The following GAD1 variants were observed in gnomAD, a reference collection of about 807,000 sequenced individuals.
GAD1 encodes 67 kDa glutamic acid decarboxylase.
GAD1 carries 35 observed loss-of-function variants against 75.2 expected under a neutral mutation model. The observed-to-expected ratio is 0.47, with a 90% CI of 0.36 to 0.62. The LOEUF is 0.62. Among genes scored for constraint, GAD1 ranks in the 20% least tolerant of loss-of-function variants. The probability of loss-of-function intolerance (pLI) is 0.00; values close to 1 mark genes in which losing one functional copy is unlikely to be tolerated. For missense variants in GAD1, 490 were observed against 758.5 expected (o/e 0.65, Z 4.16); for synonymous variants, 257 against 271.9 (o/e 0.95, Z 0.54).
intron 15 of GAD1, among the ~76,000 whole-genome samples, chr2:170,857,495 C>A (rs1033643549): frequency 6.6e-6 from 1 of 152,060 alleles, no homozygotes; most frequent in African/African-American, 2.4e-5. Flanking sequence ...CCTGTAATCC[C>A]AGCATTTCGG....
At chr2:170,856,877 A>G in intron 14 of GAD1, 141 bp from the exon 15 acceptor site, 3 of 751,312 alleles carry the variant, frequency 4.0e-6, no homozygotes, top group Non-Finnish European at 7.2e-6. Context: ...AAAAGCTGAC[A>G]TATTTGATTA....
At chr2:170,817,224 G>GT (rs1559264475) in intron 1 of GAD1, 176 bp downstream of exon 1, 2 of 16,368 alleles carry the variant, frequency 1.2e-4, no homozygotes, top group Non-Finnish European at 3.9e-4. Flanking sequence ...GCTGCGCAGG[G>GT]ACCCCCCCCC....
Position 170,848,456 on chromosome 2 carries a change from C to T in GAD1, c.1119+664C>T, listed in dbSNP as rs184868257. On this transcript the variant is annotated intron_variant, in intron 11 of 16. Coordinates refer to ENST00000358196, the MANE Select transcript of GAD1 (RefSeq NM_000817.3). ...AGGTTGCAGTGAGCTGGGATCACGC[C>T]ACATCACTCCAGCCTGGGCAAAAGA... 3.5e-4 allele frequency among the ~76,000 whole-genome samples: 50 copies of T among 144,714 alleles called. 1 individual carries two copies. In the Middle Eastern group the frequency reaches 0.017, roughly 51 times the overall value. 94.9% of individuals were successfully genotyped at this position (144,714 alleles called of 152,430 possible). A position where few individuals can be genotyped will look rare whatever the true frequency, so the allele number is the denominator to read the frequency against.
At chr2:170,822,206 G>A in intron 3 of GAD1, 57 bp downstream of exon 3, 2 of 1,441,080 alleles carry the variant, frequency 1.4e-6, no homozygotes, top group Non-Finnish European at 1.9e-6. Flanking sequence ...GGACCTTTGG[G>A]GCTTGGGAGA....
At chr2:170,850,649 T>G (rs2105805583) in intron 12 of GAD1, among the ~76,000 whole-genome samples, 1 of 152,284 alleles carries the variant, frequency 6.6e-6, no homozygotes, top group Non-Finnish European at 1.5e-5. Flanking sequence ...AACTTTTGTC[T>G]CAGTTTTGAA....
chr2:170,825,926 C>T (rs1159461001), intron 3 of GAD1, among the ~76,000 whole-genome samples: 1 of 152,130 alleles, frequency 6.6e-6, no homozygotes, highest in African/African-American at 2.4e-5. Flanking sequence ...CTTACAGGAC[C>T]CCTTGCTAGC....
chr2:170,820,410 T>A (rs1701841287), intron 2 of GAD1, among the ~76,000 whole-genome samples: 1 of 152,264 alleles, frequency 6.6e-6, no homozygotes, highest in South Asian at 2.1e-4. Context: ...CCAGGCACAC[T>A]GTTGCGGGCC....
Position 170,861,015 on chromosome 2 carries a change from G to C in GAD1, c.*1133G>C, listed in dbSNP as rs1702952171. The C allele has an allele frequency of 6.6e-6, 1 of 152,612 alleles. No homozygotes were observed. The highest frequency in any genetic ancestry group is 6.5e-5 in the Admixed American group (1 of 15,278). 9.5% of individuals were successfully genotyped at this position (152,612 alleles called of 1,614,324 possible). On this transcript the variant is annotated 3_prime_UTR_variant, in exon 17 of 17. Transcript: ENST00000358196. ...TGAAACCTAAGGCAACATTTCCGAA[G>C]ACCTTCTGAAGATCTCAGATAAAGT...
Position 170,837,716 on chromosome 2 carries a change from ATATCT to A in GAD1, c.638+837_638+841del, listed in dbSNP as rs375782180. Among the ~76,000 whole-genome samples, 307 of 152,374 alleles carry A rather than the reference ATATCT, an allele frequency of 2.0e-3. 1 individual carries two copies. Among genetic ancestry groups the A allele is most frequent in the Middle Eastern group, 6.8e-3 (2 of 294 alleles). On this transcript the variant is annotated intron_variant, in intron 6 of 16. Transcript: ENST00000358196. Reference sequence around the variant, plus strand: ...TATCCAAAGGAAAATAACAAAACAAATATCTTATAATAATTTAAAAACAACTATAT... The same window carrying A: ...TATCCAAAGGAAAATAACAAAACAAATATAATAATTTAAAAACAACTATAT...
chr2:170,828,154 CT>C (rs1702076675), intron 3 of GAD1, among the ~76,000 whole-genome samples: 1 of 137,296 alleles, frequency 7.3e-6, no homozygotes, highest in Non-Finnish European at 1.6e-5. Context: ...CCTCACCCTC[CT>C]CCCTCTGCTG....
Position 170,853,128 on chromosome 2 carries a change from G to A in GAD1, c.1263+336G>A, listed in dbSNP as rs1330564589. The A allele has an allele frequency of 5.1e-6, 2 of 391,504 alleles. No individual in the cohort carries two copies. Among genetic ancestry groups the A allele is most frequent in the African/African-American group, 4.1e-5 (2 of 48,896 alleles). The allele number at this position is 391,504 out of a possible 1,614,324, so 24.3% of individuals were successfully genotyped here. On this transcript the variant is annotated intron_variant, in intron 13 of 16. Transcript: ENST00000358196. The surrounding 1 kb of genome is among the most constrained non-coding windows in gnomAD (Gnocchi z 4.1). ...TCCAATCAGTTTTGTCCTCAGTGAG[G>A]ACAAAAGCACTCACTGGAGCATACT...
intron 12 of GAD1, among the ~76,000 whole-genome samples, chr2:170,850,229 C>T (rs1702719612): frequency 6.6e-6 from 1 of 152,190 alleles, no homozygotes; most frequent in Non-Finnish European, 1.5e-5. Flanking sequence ...AGTTTACATT[C>T]CAGTGGGCTA....
At chr2:170,847,534 C>T (rs1479701976) in intron 10 of GAD1, 142 bp from the exon 11 acceptor site, 8 of 748,656 alleles carry the variant, frequency 1.1e-5, no homozygotes, top group South Asian at 2.8e-5. Flanking sequence ...CAACAAAACA[C>T]TACTAGACAT....
intron 16 of GAD1, among the ~76,000 whole-genome samples, chr2:170,859,141 T>A (rs1225683472): frequency 2.6e-5 from 4 of 152,222 alleles, no homozygotes; most frequent in Non-Finnish European, 5.9e-5. Flanking sequence ...GTTGATGTTC[T>A]TCATTAAAGG....
At chr2:170,822,860 C>A (rs1381644642) in intron 3 of GAD1, among the ~76,000 whole-genome samples, 1 of 152,146 alleles carries the variant, frequency 6.6e-6, no homozygotes, top group East Asian at 1.9e-4. Flanking sequence ...AGGGGACGAG[C>A]AGGGACGAGG....
At chr2:170,850,042 C>T (rs953019480) in intron 12 of GAD1, among the ~76,000 whole-genome samples, 3 of 152,218 alleles carry the variant, frequency 2.0e-5, no homozygotes, top group Non-Finnish European at 2.9e-5. Context: ...ATTCGTTCAG[C>T]ATGTATTTAC....
chr2:170,850,504 G>T (rs544356471), intron 12 of GAD1, among the ~76,000 whole-genome samples: 1 of 152,282 alleles, frequency 6.6e-6, no homozygotes, highest in South Asian at 2.1e-4. Context: ...GAGGCCATTG[G>T]GGCTGGAGCA....
intron 3 of GAD1, chr2:170,828,952 C>CTCCTCCCTCTGCTATCCTCATCT (rs1465147202): frequency 5.8e-4 from 133 of 228,612 alleles, no homozygotes; most frequent in African/African-American, 3.1e-3. Flanking sequence ...GTCCTCACCT[C>CTCCTCCCTCTGCTATCCTCATCT]TCCTCCCTCT....
intron 6 of GAD1, chr2:170,842,432 A>G (rs1482432877): frequency 2.3e-6 from 2 of 854,194 alleles, no homozygotes; most frequent in South Asian, 2.7e-5. Context: ...TGTCATGTCA[A>G]CATTTCCAAA....
Sources: gnomAD v4.1 joint callset for allele counts (sites outside exome capture counted in the v4.1 genomes callset) on GRCh38, gnomAD v4.1.1 for gene constraint, Gnocchi (gnomAD v3.1) non-coding constraint, MANE v1.5 for transcripts, NCBI Gene and HGNC (gene_info 2026-07-23, HGNC 2026-07-21) for gene names.